The following GNAT2 variants were observed in gnomAD, a reference collection of about 807,000 sequenced individuals.
The protein encoded by GNAT2 is G protein subunit alpha transducin 2.
A neutral mutation model predicts 40.9 loss-of-function variants in GNAT2; 32 were observed. The ratio of observed to expected loss-of-function variants is 0.78; its 90% CI spans 0.59 to 1.05. The LOEUF (loss-of-function observed/expected upper bound fraction) is 1.05, where lower values mean the gene tolerates loss of function less well. GNAT2 is among the 50% of genes least tolerant of loss of function. GNAT2 has a pLI of 0.00. For synonymous variants in GNAT2, 141 were observed against 157.2 expected (o/e 0.90, Z 0.77); for missense variants, 355 against 431.5 (o/e 0.82, Z 1.57).
At chr1:109,604,156 T>G in intron 7 of GNAT2, 52 bp from the exon 8 acceptor site, 1 of 1,386,894 alleles carries the variant, frequency 7.2e-7, no homozygotes, top group Non-Finnish European at 1.0e-6. Flanking sequence ...ATAGAATATC[T>G]ACCTACTTCC....
chr1:109,608,381 A>T (rs1036289653), intron 5 of GNAT2: 10 of 554,054 alleles, frequency 1.8e-5, no homozygotes, highest in Non-Finnish European at 3.2e-5. Flanking sequence ...TTGCATCTTC[A>T]GCCTTGTAGG....
chr1:109,613,217 CGGAA>C (rs2101131208), intron 1 of GNAT2: 1 of 348,888 alleles, frequency 2.9e-6, no homozygotes, highest in Admixed American at 3.9e-5. Flanking sequence ...TGGGTTCTGA[CGGAA>C]GGATAGGATG....
chr1:109,607,504 A>C (rs779391447), intron 5 of GNAT2: 2 of 151,358 alleles, frequency 1.3e-5, no homozygotes, highest in Non-Finnish European at 2.9e-5. Context: ...GACTGAGAGG[A>C]GGAGGGAAGT....
chr1:109,608,808 T>C lies in GNAT2; in HGVS notation c.304-20A>G, dbSNP rs1054577802. ...GTCATCCTGTAATGCAGAAACCTGG[T>C]TAAGAACTTCACAGGAGTAATAGCT... On this transcript the variant is annotated intron_variant, in intron 4 of 8. Transcript: ENST00000679935. The C allele has an allele frequency of 6.2e-6, 10 of 1,609,402 alleles. No homozygotes were observed. Among genetic ancestry groups the C allele is most frequent in the Non-Finnish European group, 7.7e-6 (9 of 1,175,872 alleles).
intron 5 of GNAT2, 88 bp downstream of exon 5, chr1:109,608,543 G>A (rs1264281513): frequency 1.6e-6 from 2 of 1,239,312 alleles, no homozygotes; most frequent in Non-Finnish European, 2.4e-6. Context: ...CTGAAATTTT[G>A]GGTTGGGTGA....
chr1:109,613,590 G>A (rs4970768), intron 1 of GNAT2: 63,002 of 152,762 alleles, frequency 0.41, 14,049 homozygotes, highest in East Asian at 0.63. Context: ...ATTGTACGTC[G>A]TTTTACAAAT....
intron 1 of GNAT2, chr1:109,615,175 C>T (rs528453445): frequency 5.3e-5 from 8 of 152,364 alleles, no homozygotes; most frequent in African/African-American, 9.6e-5. Context: ...CCCCAATTTA[C>T]AGACTAGATT....
At position 109,603,858 on chromosome 1, in the gene GNAT2, T is replaced by C. The variant is rs370761966; in HGVS notation, c.874+93A>G. 4.1e-5 allele frequency: 39 copies of C among 945,650 alleles called. 1 individual carries two copies. In the African/African-American group the frequency reaches 5.8e-4, roughly 14 times the overall value. The allele number at this position is 945,650 out of a possible 1,614,324, so 58.6% of individuals were successfully genotyped here. ...TGTAACTGTGCCCAAGGTTCTCCCT[T>C]AAGTTCCTTTGTGTCATCTTGGCCT... On this transcript the variant is annotated intron_variant, in intron 8 of 8. Coordinates refer to ENST00000679935, the MANE Select transcript of GNAT2 (RefSeq NM_001377295.2).
chr1:109,606,680 A>G (rs367992946), intron 5 of GNAT2: 154 of 468,056 alleles, frequency 3.3e-4, no homozygotes, highest in Non-Finnish European at 5.6e-4. Context: ...ATCAAGTTAG[A>G]TAAGTTTTCC....
intron 1 of GNAT2, chr1:109,614,489 C>T (rs551941882): frequency 1.4e-4 from 22 of 152,304 alleles, no homozygotes; most frequent in African/African-American, 5.3e-4. Flanking sequence ...AAACCCTGGC[C>T]TGAAACAGTT....
chr1:109,608,425 A>G (rs2101126447), intron 5 of GNAT2: 1 of 631,728 alleles, frequency 1.6e-6, no homozygotes, highest in East Asian at 2.8e-5. Context: ...ATAGAAAGTC[A>G]TGACAACTGT....
At chr1:109,604,585 T>C (rs541800933) in intron 7 of GNAT2, 9 of 181,006 alleles carry the variant, frequency 5.0e-5, no homozygotes, top group Non-Finnish European at 8.3e-5. Flanking sequence ...AGATCTCAGT[T>C]TGGGCTACTT....
chr1:109,606,188 A>AG (rs1210351655), intron 6 of GNAT2, 89 bp from the exon 7 acceptor site: 167 of 1,567,838 alleles, frequency 1.1e-4, no homozygotes, highest in Non-Finnish European at 1.3e-4. Context: ...GGAGAGGAAA[A>AG]GGGGGAGAAG....
In GNAT2 at chr1:109,604,109, T is replaced by A; in HGVS notation, c.721-5A>T. The A allele has an allele frequency of 6.2e-7, 1 of 1,605,636 alleles. No individual in the cohort carries two copies. Among genetic ancestry groups the A allele is most frequent in the Non-Finnish European group, 8.5e-7 (1 of 1,172,754 alleles). On this transcript the variant is annotated splice_polypyrimidine_tract_variant and splice_region_variant and intron_variant, in intron 7 of 8. Coordinates refer to ENST00000679935, the MANE Select transcript of GNAT2 (RefSeq NM_001377295.2). ...CAAAGACTCATGCATACGATTCTAG[T>A]AAGAGGAAACACCATTGGAAATATC...
At chr1:109,616,291 T>A (rs1490490084) in intron 1 of GNAT2, 1 of 152,236 alleles carries the variant, frequency 6.6e-6, no homozygotes. Context: ...AGAAAAGTGA[T>A]CCTCACATTA....
intron 2 of GNAT2, chr1:109,611,352 T>C (rs1649792324): frequency 6.6e-6 from 1 of 152,178 alleles, no homozygotes; most frequent in African/African-American, 2.4e-5. Flanking sequence ...CTAATTTTTG[T>C]ATTTTTAGTA....
At chr1:109,619,211 ATACTGAG>A (rs1238933593) in intron 1 of GNAT2, among the ~76,000 whole-genome samples, 2 of 152,358 alleles carry the variant, frequency 1.3e-5, no homozygotes, top group South Asian at 2.1e-4. Flanking sequence ...TAATACATGA[ATACTGAG>A]TACTAACTAC....
chr1:109,610,550 C>T (rs1649765411), intron 2 of GNAT2, 43 bp from the exon 3 acceptor site: 3 of 1,573,674 alleles, frequency 1.9e-6, no homozygotes, highest in Admixed American at 1.7e-5. Context: ...CACCAGTTCT[C>T]CTCAGCCTTC....
rs139314029 is a variant in GNAT2, at chr1:109,603,453, G to C, written c.966C>G (p.His322Gln). Reference sequence around the variant, plus strand: ...TCTGTGTATCTGTAGCACAGGTCATGTGACTGTAGATTTCTTTGACATCTT... The same window carrying C: ...TCTGTGTATCTGTAGCACAGGTCATCTGACTGTAGATTTCTTTGACATCTT... ...MRKDVKEIYS[H>Q]MTCATDTQNV... The change falls in exon 9 of 9, where the codon CAC becomes CAG. Residue 322 changes from histidine to glutamine, a missense_variant. Physicochemically the swap from His to Gln is conservative, Grantham distance 24. Coordinates refer to ENST00000679935, the MANE Select transcript of GNAT2 (RefSeq NM_001377295.2). 1.9e-6 allele frequency: 3 copies of C among 1,595,344 alleles called. No individual in the cohort carries two copies. The African/African-American group carries it at 4.0e-5, about 21-fold the overall frequency.
Sources: gnomAD v4.1 joint callset for allele counts (sites outside exome capture counted in the v4.1 genomes callset) on GRCh38, gnomAD v4.1.1 for gene constraint, MANE v1.5 for transcripts, NCBI Gene and HGNC (gene_info 2026-07-23, HGNC 2026-07-21) for gene names.